Variants in PLXNA3 observed in about 807,000 individuals in gnomAD.
The protein encoded by PLXNA3 is plexin A3.
In PLXNA3, 52 loss-of-function variants were observed where a neutral mutation model predicts 118.8. That is an observed-to-expected ratio of 0.44 (90% CI 0.35 to 0.55). The LOEUF is 0.55. Among genes scored for constraint, PLXNA3 ranks in the 20% least tolerant of loss-of-function variants. PLXNA3 has a pLI of 0.01. For synonymous variants in PLXNA3, 925 were observed against 762.4 expected, an observed-to-expected ratio of 1.21 and a Z score of -3.51; for missense variants, 1,660 against 1,730.8, an observed-to-expected ratio of 0.96 and a Z score of 0.73.
At position 154,466,257 on chromosome X, in the gene PLXNA3, T is replaced by G; in HGVS notation, c.2786T>G (p.Val929Gly). 8.3e-7 allele frequency: 1 copy of G among 1,208,783 alleles called. No individual in the cohort carries two copies. Among genetic ancestry groups the G allele is most frequent in the Non-Finnish European group, 1.1e-6 (1 of 895,322 alleles). The change falls in exon 15 of 33, where the codon GTC (valine) becomes GGC (glycine). Residue 929 changes from valine to glycine, a missense_variant. This residue lies in a region of PLXNA3 where 869 missense variants were observed against 1,078.7 expected (regional missense o/e 0.81). Coordinates refer to ENST00000369682, the MANE Select transcript of PLXNA3 (RefSeq NM_017514.5). Reference protein sequence around the residue: ...SADFRTQSEQVYSFVTPTFDQ... With the variant: ...SADFRTQSEQGYSFVTPTFDQ... Reference sequence around the variant, plus strand: ...GACTTCCGCACGCAGTCGGAGCAGGTCTACAGCTTTGTGGTGCGTGGCTGC... The same window carrying G: ...GACTTCCGCACGCAGTCGGAGCAGGGCTACAGCTTTGTGGTGCGTGGCTGC...
chrX:154,460,993 C>G (rs376881188), intron 2 of PLXNA3, 106 bp from the exon 3 acceptor site: 1 of 800,248 alleles, frequency 1.2e-6, no homozygotes, highest in African/African-American at 2.1e-5. Context: ...TGGCCTGGGC[C>G]TCTGTGATCA....
rs142551428 is a variant in PLXNA3, at chrX:154,465,181, G to A, written c.2207G>A (p.Arg736His). The change falls in exon 11 of 33, where the codon CGC (arginine) becomes CAC (histidine). Residue 736 changes from arginine to histidine, a missense_variant. Physicochemically the swap from Arg to His is conservative, Grantham distance 29. Coordinates refer to ENST00000369682, the MANE Select transcript of PLXNA3 (RefSeq NM_017514.5). ...QGRQQRVPAV[R>H]FNSSSVQCQN... The stretch of plus-strand genomic sequence containing the variant: ...CGGCAGCAGCGGGTGCCTGCCGTGC[G>A]CTTCAACAGCAGCAGTGTGCAGTGC... 1.1e-5 allele frequency: 13 copies of A among 1,209,835 alleles called. No individual in the cohort carries two copies. Among genetic ancestry groups the A allele is most frequent in the Middle Eastern group, 2.7e-4 (1 of 3,675 alleles).
At chrX:154,471,793 T>C (rs781854299) in intron 32 of PLXNA3, among the ~76,000 whole-genome samples, 155 bp downstream of exon 32, 50 of 112,020 alleles carry the variant, frequency 4.5e-4, no homozygotes, top group African/African-American at 1.6e-3. Flanking sequence ...GGATCACAGG[T>C]AGATGCTGGA....
In PLXNA3 at chrX:154,463,610, G is replaced by A; in HGVS notation, c.1467G>A (p.Glu489=). ...SEKQVSQLPV[E]TCEQYQSCAA... ...CCCAGGTGAGCCAGCTCCCGGTGGA[G>A]ACCTGTGAGCAGTACCAGAGCTGCG... The change falls in exon 6 of 33, where the codon GAG becomes GAA. Residue 489 remains glutamate, a synonymous_variant. Coordinates refer to ENST00000369682, the MANE Select transcript of PLXNA3 (RefSeq NM_017514.5). 1 of 1,202,827 alleles carries A rather than the reference G, an allele frequency of 8.3e-7. No individual in the cohort carries two copies. The highest frequency in any genetic ancestry group is 1.8e-5 in the South Asian group (1 of 55,809).
intron 7 of PLXNA3, 41 bp from the exon 8 acceptor site, chrX:154,464,116 G>T: frequency 8.3e-7 from 1 of 1,209,450 alleles, no homozygotes; most frequent in Non-Finnish European, 1.1e-6. Context: ...GCACATGTGT[G>T]CTGGGAGTCC....
intron 31 of PLXNA3, 62 bp downstream of exon 31, chrX:154,471,379 G>T (rs936423049): frequency 1.7e-6 from 2 of 1,153,355 alleles, no homozygotes; most frequent in Non-Finnish European, 2.3e-6. Flanking sequence ...GGCTGCCTGT[G>T]CGAGGCAGGC....
Position 154,460,305 on chromosome X carries a change from T to C in PLXNA3, c.122T>C (p.Val41Ala). 8.3e-7 allele frequency: 1 copy of C among 1,209,411 alleles called. No homozygotes were observed. Among genetic ancestry groups the C allele is most frequent in the Non-Finnish European group, 1.1e-6 (1 of 894,455 alleles). The change falls in exon 2 of 33, where the codon GTG becomes GCG. Residue 41 changes from valine (V) to alanine (A), a missense_variant. Transcript: ENST00000369682. ...CTTACCCACCTGGCTGTGCACCGGG[T>C]GACTGGGGAGGTGTTCGTGGGCGCA... Reference protein sequence around the residue: ...TTLTHLAVHRVTGEVFVGAVN... With the variant: ...TTLTHLAVHRATGEVFVGAVN...
intron 1 of PLXNA3, among the ~76,000 whole-genome samples, chrX:154,458,640 G>C (rs1282309406): frequency 1.8e-5 from 2 of 112,375 alleles, no homozygotes; most frequent in African/African-American, 6.4e-5. Flanking sequence ...GCAGGGGAGC[G>C]GCCCCTCGGA....
chrX:154,471,126 G>A lies in PLXNA3; in HGVS notation c.5178G>A (p.Val1726=), dbSNP rs1338843706. The change falls in exon 31 of 33, where the codon GTG becomes GTA. Residue 1726 remains valine, a synonymous_variant. Transcript: ENST00000369682. ...ACAGCCTGCCGCTGCGCTTCTGGGT[G>A]AATGTGATCAAGAACCCGCAGTTCG... The part of the protein sequence containing the change: ...KSNCLPLRFW[V]NVIKNPQFVF... The A allele has an allele frequency of 2.5e-6, 3 of 1,209,103 alleles. No individual in the cohort carries two copies. The Admixed American group carries it at 6.5e-5, about 26-fold the overall frequency.
At position 154,464,224 on chromosome X, in the gene PLXNA3, C is replaced by T. The variant is rs782007256; in HGVS notation, c.1739C>T (p.Ala580Val). 1.7e-5 allele frequency: 21 copies of T among 1,207,142 alleles called. No individual in the cohort carries two copies. In the South Asian group the frequency reaches 2.5e-4, roughly 14 times the overall value. Residue 580 changes from alanine to valine, a missense_variant, in exon 8 of 33, where the codon GCG (alanine) becomes GTG (valine). By Grantham distance (64) the Ala-to-Val change is moderately conservative. This residue lies in a region of PLXNA3 where 791 missense variants were observed against 652.1 expected (regional missense o/e 1.21). Coordinates refer to ENST00000369682, the MANE Select transcript of PLXNA3 (RefSeq NM_017514.5). ...AGVSCAFEAA[A>V]ENEAVLLPSG... ...GTGAGCTGCGCCTTCGAGGCGGCGGCGGAGAACGAGGCGGTCCTGCTGCCC... is the reference window on the plus strand; with the variant it reads ...GTGAGCTGCGCCTTCGAGGCGGCGGTGGAGAACGAGGCGGTCCTGCTGCCC...
chrX:154,469,968 C>A lies in PLXNA3; in HGVS notation c.4796-9C>A. On this transcript the variant is annotated splice_polypyrimidine_tract_variant and intron_variant, in intron 28 of 32. Transcript: ENST00000369682. ...GTGGCCTAAGGGTCACATGCATTCTCTGCTCCAGAGAGCTTGCTCCGCACG... is the reference window on the plus strand; with the variant it reads ...GTGGCCTAAGGGTCACATGCATTCTATGCTCCAGAGAGCTTGCTCCGCACG... 8.3e-7 allele frequency: 1 copy of A among 1,209,090 alleles called. No homozygotes were observed. Among genetic ancestry groups the A allele is most frequent in the Non-Finnish European group, 1.1e-6 (1 of 893,625 alleles).
chrX:154,472,064 C>T (rs1320922411), intron 32 of PLXNA3, among the ~76,000 whole-genome samples: 2 of 111,479 alleles, frequency 1.8e-5, no homozygotes, highest in African/African-American at 6.5e-5. Context: ...GCGGCCCAAA[C>T]ACTGAGCCCA....
At chrX:154,458,652 G>A (rs1326732945) in intron 1 of PLXNA3, among the ~76,000 whole-genome samples, 1 of 112,419 alleles carries the variant, frequency 8.9e-6, no homozygotes, top group Non-Finnish European at 1.9e-5. Flanking sequence ...CCCCTCGGAG[G>A]ATCAACGCTG....
intron 15 of PLXNA3, 25 bp from the exon 16 acceptor site, chrX:154,466,351 C>T (rs782158200): frequency 2.2e-4 from 264 of 1,210,311 alleles, no homozygotes; most frequent in Non-Finnish European, 2.9e-4. Context: ...CCCGGCTCCT[C>T]CCCTCAGGGC....
At chrX:154,461,019 G>T in intron 2 of PLXNA3, 80 bp from the exon 3 acceptor site, 1 of 894,657 alleles carries the variant, frequency 1.1e-6, no homozygotes, top group East Asian at 3.1e-5. Flanking sequence ...GCGGGAGGGG[G>T]ATGCAGAGGG....
At position 154,468,075 on chromosome X, in the gene PLXNA3, C is replaced by A. The variant is rs2069121402; in HGVS notation, c.3821-7C>A. On this transcript the variant is annotated splice_region_variant and splice_polypyrimidine_tract_variant and intron_variant, in intron 21 of 32. Coordinates refer to ENST00000369682, the MANE Select transcript of PLXNA3 (RefSeq NM_017514.5). ...CTGCCCACTCATTCCCTCTCTCCAC[C>A]CCCCAGCTTTTGCAGAGCTGCAGAC... 8.4e-6 allele frequency: 10 copies of A among 1,191,212 alleles called. No homozygotes were observed. The highest frequency in any genetic ancestry group is 1.1e-5 in the Non-Finnish European group (10 of 883,519).
intron 1 of PLXNA3, 57 bp from the exon 2 acceptor site, chrX:154,460,100 A>G: frequency 1.5e-6 from 1 of 650,062 alleles, no homozygotes; most frequent in Non-Finnish European, 2.4e-6. Flanking sequence ...TGGTGGGTGA[A>G]TGGCCCAGCC....
chrX:154,472,273 C>T (rs1248146947), intron 32 of PLXNA3, among the ~76,000 whole-genome samples: 2 of 110,673 alleles, frequency 1.8e-5, no homozygotes, highest in Non-Finnish European at 3.8e-5. Context: ...CTGGGTCTGG[C>T]GAGGGTCACG....
intron 29 of PLXNA3, 98 bp from the exon 30 acceptor site, chrX:154,470,344 C>T (rs1442284813): frequency 2.6e-5 from 26 of 985,681 alleles, no homozygotes; most frequent in Non-Finnish European, 3.6e-5. Flanking sequence ...TGTAGGGAAG[C>T]CCCTCTCTTT....
Sources: allele counts gnomAD v4.1 joint callset (sites outside exome capture counted in the v4.1 genomes callset), GRCh38; gene constraint gnomAD v4.1.1; regional missense constraint gnomAD v4.1.1; transcripts MANE v1.5; gene names NCBI Gene and HGNC (gene_info 2026-07-23, HGNC 2026-07-21).